The following SPAG16 variants were observed in gnomAD, a reference collection of about 807,000 sequenced individuals.
SPAG16 encodes sperm associated antigen 16.
In SPAG16, 86 loss-of-function variants were observed where a neutral mutation model predicts 80.4. That is an observed-to-expected ratio of 1.07 (90% confidence interval 0.90 to 1.28). SPAG16 has a LOEUF of 1.28. SPAG16 is among the 50% of genes most tolerant of loss of function. The probability of loss-of-function intolerance (pLI) is 0.00; values close to 1 mark genes in which losing one functional copy is unlikely to be tolerated. For missense variants in SPAG16, 870 were observed against 765.3 expected (o/e 1.14, Z -1.61); for synonymous variants, 294 against 265.9 (o/e 1.11, Z -1.03).
At chr2:213,813,890 A>G (rs1199603735) in intron 10 of SPAG16, among the ~76,000 whole-genome samples, 3 of 152,164 alleles carry the variant, frequency 2.0e-5, no homozygotes, top group Admixed American at 1.3e-4. Context: ...AAGAGGCAGG[A>G]AAGAAATTCT....
At chr2:213,320,549 C>T (rs1277128412) in intron 5 of SPAG16, among the ~76,000 whole-genome samples, 1 of 151,936 alleles carries the variant, frequency 6.6e-6, no homozygotes, top group African/African-American at 2.4e-5. Flanking sequence ...CTCTTCATCT[C>T]CCCTTTCCAC....
chr2:214,410,198 T>C lies in SPAG16; in HGVS notation c.1779T>C (p.Ser593=). ...NGVIHLLDLK[S]GEIHKLMGHE... is the part of the protein sequence containing the mutation. ...TTATCCATTTGCTAGATCTTAAATC[T>C]GGGGAGATTCACAAATTGATGGGCC... is the stretch of plus-strand genomic sequence containing the variant. Residue 593 remains serine (S), a synonymous_variant, in exon 16 of 16, where the codon TCT becomes TCC. Transcript: ENST00000331683. 1.2e-6 allele frequency: 2 copies of C among 1,613,792 alleles called. No individual in the cohort carries two copies. Among genetic ancestry groups the C allele is most frequent in the Non-Finnish European group, 1.7e-6 (2 of 1,179,684 alleles).
intron 13 of SPAG16, among the ~76,000 whole-genome samples, chr2:214,023,429 T>A (rs2047983167): frequency 6.6e-6 from 1 of 151,802 alleles, no homozygotes; most frequent in South Asian, 2.1e-4. Context: ...AAAAAAATAC[T>A]TTATGTGTTT....
chr2:213,862,979 G>A (rs1208930890), intron 11 of SPAG16, among the ~76,000 whole-genome samples: 2 of 152,100 alleles, frequency 1.3e-5, no homozygotes, highest in Non-Finnish European at 2.9e-5. Context: ...TTAATCTTTG[G>A]AGTTTTCCTT....
chr2:214,276,974 G>A (rs763392462), intron 15 of SPAG16, among the ~76,000 whole-genome samples: 17 of 151,646 alleles, frequency 1.1e-4, no homozygotes, highest in Non-Finnish European at 1.9e-4. Flanking sequence ...CATATTTCTC[G>A]GAGGCTTTGT....
At chr2:214,235,120 T>C (rs943881633) in intron 15 of SPAG16, among the ~76,000 whole-genome samples, 4 of 152,184 alleles carry the variant, frequency 2.6e-5, no homozygotes, top group Non-Finnish European at 4.4e-5. Flanking sequence ...ACCTAGATTT[T>C]GTGATATTCA....
At chr2:214,272,504 A>G (rs1340832885) in intron 15 of SPAG16, among the ~76,000 whole-genome samples, 2 of 151,854 alleles carry the variant, frequency 1.3e-5, no homozygotes, top group Non-Finnish European at 2.9e-5. Context: ...AAGTGTTCTC[A>G]TTGTTCAATT....
intron 15 of SPAG16, among the ~76,000 whole-genome samples, chr2:214,329,959 G>A (rs1696787286): frequency 6.6e-6 from 1 of 152,018 alleles, no homozygotes; most frequent in Non-Finnish European, 1.5e-5. Context: ...AGGCCAGAAA[G>A]TAGGCAATTT....
intron 9 of SPAG16, among the ~76,000 whole-genome samples, chr2:213,431,806 C>T (rs754274647): frequency 2.6e-5 from 4 of 152,018 alleles, no homozygotes; most frequent in Non-Finnish European, 5.9e-5. Context: ...ACATTTTTCT[C>T]ATCAGCGCAT....
intron 10 of SPAG16, among the ~76,000 whole-genome samples, chr2:213,710,841 A>T (rs938774554): frequency 6.6e-6 from 1 of 152,222 alleles, no homozygotes; most frequent in Admixed American, 6.5e-5. Context: ...CCATCCTGAT[A>T]TAATGTAATG....
chr2:214,142,534 C>T (rs1399373807), intron 14 of SPAG16, among the ~76,000 whole-genome samples: 1 of 152,000 alleles, frequency 6.6e-6, no homozygotes, highest in Non-Finnish European at 1.5e-5. Context: ...CTTACCCTTC[C>T]ATAACTTTCA....
intron 10 of SPAG16, among the ~76,000 whole-genome samples, chr2:213,626,161 G>T (rs919776490): frequency 1.4e-4 from 21 of 152,220 alleles, no homozygotes; most frequent in African/African-American, 5.1e-4. Flanking sequence ...AAAAAAGTGT[G>T]TTTGGAAGTA....
chr2:213,547,218 C>A (rs1655639680), intron 10 of SPAG16, among the ~76,000 whole-genome samples: 1 of 151,968 alleles, frequency 6.6e-6, no homozygotes, highest in South Asian at 2.1e-4. Flanking sequence ...ATTAGAAATA[C>A]CACCTTTTTA....
At chr2:214,303,976 A>C (rs1238469433) in intron 15 of SPAG16, among the ~76,000 whole-genome samples, 2 of 152,212 alleles carry the variant, frequency 1.3e-5, no homozygotes, top group South Asian at 4.2e-4. Flanking sequence ...CCTAGTACCC[A>C]TTAGGTATTT....
intron 15 of SPAG16, among the ~76,000 whole-genome samples, chr2:214,362,279 G>A (rs1344088448): frequency 6.6e-6 from 1 of 151,834 alleles, no homozygotes; most frequent in South Asian, 2.1e-4. Flanking sequence ...TCATTCCTAA[G>A]TACATCAGAA....
intron 10 of SPAG16, among the ~76,000 whole-genome samples, chr2:213,624,778 A>T (rs1279699360): frequency 6.6e-6 from 1 of 152,136 alleles, no homozygotes; most frequent in East Asian, 1.9e-4. Context: ...CAAGATACTT[A>T]AGGCCTTTGT....
chr2:213,360,587 T>C (rs1035340340), intron 7 of SPAG16, among the ~76,000 whole-genome samples: 6 of 152,220 alleles, frequency 3.9e-5, no homozygotes, highest in Non-Finnish European at 8.8e-5. Context: ...TGTGTACCCT[T>C]CTTACAAAGA....
intron 15 of SPAG16, among the ~76,000 whole-genome samples, chr2:214,160,146 T>C (rs2056379895): frequency 6.6e-6 from 1 of 151,910 alleles, no homozygotes; most frequent in Non-Finnish European, 1.5e-5. Context: ...GAGTGCTGTT[T>C]GTAAAGAATA....
chr2:214,376,199 A>G lies in SPAG16; in HGVS notation c.1721-33941A>G, dbSNP rs1007897142. On this transcript the variant is annotated intron_variant, in intron 15 of 15. Coordinates refer to ENST00000331683, the MANE Select transcript of SPAG16 (RefSeq NM_024532.5). ...CGATAGTGGAACAATTCATGGCAGA[A>G]TTAAATATTATAAGGTGAATTAAAT... 7.9e-5 allele frequency among the ~76,000 whole-genome samples: 12 copies of G among 152,286 alleles called. 1 individual carries two copies. The highest frequency in any genetic ancestry group is 6.8e-3 in the Middle Eastern group (2 of 294).
Sources: allele counts gnomAD v4.1 joint callset (sites outside exome capture counted in the v4.1 genomes callset), GRCh38; gene constraint gnomAD v4.1.1; transcripts MANE v1.5; gene names NCBI Gene and HGNC (gene_info 2026-07-23, HGNC 2026-07-21).